The following FOXO3 variants were observed in gnomAD, a reference collection of about 807,000 sequenced individuals.
The protein encoded by FOXO3 is forkhead box protein O3.
Under a neutral mutation model 41.9 loss-of-function variants are expected in FOXO3, and 4 were observed. The ratio of observed to expected loss-of-function variants is 0.10; its 90% CI spans 0.05 to 0.22. The LOEUF (loss-of-function observed/expected upper bound fraction) is 0.22. FOXO3 is among the 10% of genes least tolerant of loss of function. The pLI, the probability that FOXO3 is intolerant of heterozygous loss-of-function variation, is 1.00. For synonymous variants in FOXO3, 318 were observed against 389.3 expected, an observed-to-expected ratio of 0.82 and a Z score of 2.16; for missense variants, 534 against 906.8, an observed-to-expected ratio of 0.59 and a Z score of 5.28.
At chr6:108,659,313 G>A (rs969430731) in intron 1 of FOXO3, among the ~76,000 whole-genome samples, 1 of 152,138 alleles carries the variant, frequency 6.6e-6, no homozygotes, top group Non-Finnish European at 1.5e-5. Context: ...TTTCTTAAAT[G>A]TGAAATGATT....
intron 1 of FOXO3, among the ~76,000 whole-genome samples, chr6:108,663,161 C>T (rs1778921580): frequency 6.6e-6 from 1 of 152,070 alleles, no homozygotes; most frequent in South Asian, 2.1e-4. Flanking sequence ...TCTCTTGAGT[C>T]CAGGAGTTTG....
At chr6:108,588,574 T>G (rs902985416) in intron 1 of FOXO3, among the ~76,000 whole-genome samples, 6 of 152,252 alleles carry the variant, frequency 3.9e-5, no homozygotes, top group African/African-American at 1.4e-4. Context: ...GGTCTACTGC[T>G]TCTGCCTTAT....
intron 1 of FOXO3, among the ~76,000 whole-genome samples, chr6:108,663,091 T>A (rs1345084027): frequency 6.6e-6 from 1 of 152,170 alleles, no homozygotes; most frequent in Non-Finnish European, 1.5e-5. Context: ...AATGAGGAGT[T>A]GGCCAGCACG....
chr6:108,577,579 A>G (rs1308691694), intron 1 of FOXO3, among the ~76,000 whole-genome samples: 1 of 152,202 alleles, frequency 6.6e-6, no homozygotes, highest in South Asian at 2.1e-4. Flanking sequence ...ACCAGTGCCT[A>G]GGTACCATCC....
At chr6:108,655,836 C>A (rs576239007) in intron 1 of FOXO3, among the ~76,000 whole-genome samples, 1 of 152,198 alleles carries the variant, frequency 6.6e-6, no homozygotes, top group Non-Finnish European at 1.5e-5. Context: ...AAACCTTTGT[C>A]ATCTGTGGTT....
chr6:108,629,714 T>C (rs958534790), intron 1 of FOXO3, among the ~76,000 whole-genome samples: 12 of 152,132 alleles, frequency 7.9e-5, no homozygotes, highest in African/African-American at 2.9e-4. Flanking sequence ...GAAAGGTATC[T>C]ACTTTGTATG....
chr6:108,605,511 T>G (rs914043615), intron 1 of FOXO3, among the ~76,000 whole-genome samples: 25 of 152,218 alleles, frequency 1.6e-4, no homozygotes, highest in Non-Finnish European at 3.4e-4. Context: ...GTCTTTTACA[T>G]ACAGTATTTC....
At chr6:108,656,146 AGAG>A (rs1425572275) in intron 1 of FOXO3, among the ~76,000 whole-genome samples, 2 of 149,922 alleles carry the variant, frequency 1.3e-5, no homozygotes, top group African/African-American at 2.5e-5. Flanking sequence ...AAAAAAAAAA[AGAG>A]AGAGGAGGGG....
intron 2 of FOXO3, among the ~76,000 whole-genome samples, chr6:108,679,134 G>A (rs368368239): frequency 1.3e-5 from 2 of 152,002 alleles, no homozygotes; most frequent in East Asian, 1.9e-4. Flanking sequence ...GCCTTCGAAA[G>A]TGCTGGGATT....
intron 1 of FOXO3, among the ~76,000 whole-genome samples, chr6:108,598,213 C>T (rs571612206): frequency 2.6e-5 from 4 of 152,200 alleles, no homozygotes; most frequent in Non-Finnish European, 5.9e-5. Flanking sequence ...TCCCCTCTTC[C>T]ATCTCCCTCA....
At chr6:108,592,597 G>A (rs1217291830) in intron 1 of FOXO3, among the ~76,000 whole-genome samples, 1 of 152,312 alleles carries the variant, frequency 6.6e-6, no homozygotes, top group Admixed American at 6.5e-5. Context: ...TTTTTAAGTA[G>A]GGGTTCTGGT....
At chr6:108,605,607 G>A (rs1777178232) in intron 1 of FOXO3, among the ~76,000 whole-genome samples, 1 of 152,174 alleles carries the variant, frequency 6.6e-6, no homozygotes, top group Admixed American at 6.5e-5. Flanking sequence ...GACACTTCTG[G>A]TAAATAAAGA....
intron 1 of FOXO3, among the ~76,000 whole-genome samples, chr6:108,662,509 A>G (rs923863838): frequency 6.6e-6 from 1 of 152,118 alleles, no homozygotes; most frequent in Non-Finnish European, 1.5e-5. Flanking sequence ...TCTCTAATCA[A>G]CCTGGCAAAT....
intron 1 of FOXO3, among the ~76,000 whole-genome samples, chr6:108,565,803 A>C (rs1775933661): frequency 6.6e-6 from 1 of 152,234 alleles, no homozygotes; most frequent in Non-Finnish European, 1.5e-5. Context: ...AGATTAATAC[A>C]TCCAGTTCCT....
At chr6:108,575,319 G>A (rs1258408291) in intron 1 of FOXO3, among the ~76,000 whole-genome samples, 1 of 148,050 alleles carries the variant, frequency 6.8e-6, no homozygotes, top group Non-Finnish European at 1.5e-5. Flanking sequence ...GCTGAGTGAT[G>A]TTTAAAGCCT....
chr6:108,613,810 T>G (rs1326861829), intron 1 of FOXO3, among the ~76,000 whole-genome samples: 1 of 152,194 alleles, frequency 6.6e-6, no homozygotes, highest in African/African-American at 2.4e-5. Context: ...TCTGGCATCT[T>G]AAGGTGAAAC....
chr6:108,667,359 A>C (rs1051282893), intron 2 of FOXO3, among the ~76,000 whole-genome samples: 2 of 152,204 alleles, frequency 1.3e-5, no homozygotes, highest in Non-Finnish European at 2.9e-5. Flanking sequence ...TTAGAAATGT[A>C]GATGTTTGGC....
At chr6:108,603,547 T>C (rs1777112376) in intron 1 of FOXO3, among the ~76,000 whole-genome samples, 1 of 152,180 alleles carries the variant, frequency 6.6e-6, no homozygotes, top group Non-Finnish European at 1.5e-5. Flanking sequence ...ATTTTAACTT[T>C]AAGTGTCTAG....
intron 2 of FOXO3, among the ~76,000 whole-genome samples, chr6:108,665,370 TGTAAA>T (rs913003539): frequency 3.9e-5 from 6 of 152,206 alleles, no homozygotes; most frequent in Non-Finnish European, 5.9e-5. Flanking sequence ...TTTTTTTCCT[TGTAAA>T]GTAATGATCG....
Sources: gnomAD v4.1 joint callset for allele counts (sites outside exome capture counted in the v4.1 genomes callset) on GRCh38, gnomAD v4.1.1 for gene constraint, MANE v1.5 for transcripts, NCBI Gene and HGNC (gene_info 2026-07-23, HGNC 2026-07-21) for gene names.